Variants in FARS2 observed in about 807,000 individuals in gnomAD.
FARS2 encodes phenylalanine--tRNA ligase, mitochondrial.
FARS2 carries 40 observed loss-of-function variants against 46.4 expected under a neutral mutation model. That is an observed-to-expected ratio of 0.86 (90% CI 0.67 to 1.12). The LOEUF is 1.12. FARS2 is among the 50% of genes most tolerant of loss of function. FARS2 has a pLI of 0.00. For synonymous variants in FARS2, 234 were observed against 214.9 expected (o/e 1.09, Z -0.78); for missense variants, 513 against 567.9 (o/e 0.90, Z 0.98).
At position 5,394,473 on chromosome 6, in the gene FARS2, C is replaced by G. The variant is rs145380039; in HGVS notation, c.613-10069C>G. Among the ~76,000 whole-genome samples, 419 of 152,216 alleles carry G rather than the reference C, an allele frequency of 2.8e-3. 3 individuals carry two copies. The highest frequency in any genetic ancestry group is 9.8e-3 in the African/African-American group (406 of 41,516). On this transcript the variant is annotated intron_variant, in intron 2 of 6. Transcript: ENST00000274680. ...GCGTGACTACACTCCATGGTGTTCG[C>G]ACAATGACAAAATTGCGTAATGAAG...
chr6:5,624,827 G>A (rs184003220), intron 6 of FARS2, among the ~76,000 whole-genome samples: 451 of 135,544 alleles, frequency 3.3e-3, no homozygotes, highest in Non-Finnish European at 5.5e-3. Flanking sequence ...GGGCGGCCCC[G>A]CCCCCGCCCC....
At chr6:5,614,187 A>G (rs1775336966) in intron 6 of FARS2, among the ~76,000 whole-genome samples, 1 of 152,146 alleles carries the variant, frequency 6.6e-6, no homozygotes, top group Non-Finnish European at 1.5e-5. Context: ...GAGCAGAGAG[A>G]TAAGTGACGT....
intron 6 of FARS2, among the ~76,000 whole-genome samples, chr6:5,617,526 G>A (rs1383274618): frequency 1.3e-5 from 2 of 152,092 alleles, no homozygotes; most frequent in African/African-American, 4.8e-5. Flanking sequence ...ACAAAAACCT[G>A]GTTTTTTAGC....
chr6:5,656,027 A>G (rs1777590234), intron 6 of FARS2, among the ~76,000 whole-genome samples: 1 of 152,222 alleles, frequency 6.6e-6, no homozygotes, highest in Non-Finnish European at 1.5e-5. Flanking sequence ...TGAAAACTGG[A>G]CTTGAACTCC....
intron 1 of FARS2, among the ~76,000 whole-genome samples, chr6:5,348,978 A>G (rs374619535): frequency 3.9e-5 from 6 of 152,228 alleles, no homozygotes; most frequent in African/African-American, 7.2e-5. Flanking sequence ...AGCCACTGCA[A>G]TAAGGCAAGG....
intron 1 of FARS2, among the ~76,000 whole-genome samples, chr6:5,295,184 C>A (rs1418234269): frequency 6.6e-6 from 1 of 152,142 alleles, no homozygotes; most frequent in East Asian, 1.9e-4. Flanking sequence ...CGCTACACAC[C>A]AAGCTATGTG....
At chr6:5,313,027 G>A (rs556007333) in intron 1 of FARS2, among the ~76,000 whole-genome samples, 61 of 152,174 alleles carry the variant, frequency 4.0e-4, no homozygotes, top group Non-Finnish European at 7.5e-4. Flanking sequence ...GGGAGAGGGA[G>A]AAGGAGAGGG....
rs187793225 is a variant in FARS2, at chr6:5,769,364, C to T, written c.1218-1927C>T. ...TCTTGGCTATGTAGTTTCATAAGCTCCCACTCCTGGAGAGCCTCTGTTTTC... is the reference window on the plus strand; with the variant it reads ...TCTTGGCTATGTAGTTTCATAAGCTTCCACTCCTGGAGAGCCTCTGTTTTC... On this transcript the variant is annotated intron_variant, in intron 6 of 6. Coordinates refer to ENST00000274680, the MANE Select transcript of FARS2 (RefSeq NM_006567.5). Among the ~76,000 whole-genome samples the T allele has an allele frequency of 6.3e-3, 959 of 152,330 alleles. 12 individuals carry two copies. The highest frequency in any genetic ancestry group is 0.021 in the African/African-American group (862 of 41,568).
Position 5,431,105 on chromosome 6 carries a change from C to T in FARS2, c.837C>T (p.Ile279=), listed in dbSNP as rs766146229. Residue 279 remains isoleucine (I), a synonymous_variant, in exon 4 of 7, where the codon ATC becomes ATT. Coordinates refer to ENST00000274680, the MANE Select transcript of FARS2 (RefSeq NM_006567.5). ...CACATCCTTCCTTTGAGATGGAGATCAACTTTCATGGAGAATGGCTGGAAG... is the reference window on the plus strand; with the variant it reads ...CACATCCTTCCTTTGAGATGGAGATTAACTTTCATGGAGAATGGCTGGAAG... ...PFTHPSFEME[I]NFHGEWLEVL... The T allele has an allele frequency of 6.2e-6, 10 of 1,613,838 alleles. No homozygotes were observed. The Admixed American group carries it at 1.7e-4, about 27-fold the overall frequency.
chr6:5,559,939 GA>G (rs1000735797), intron 5 of FARS2, among the ~76,000 whole-genome samples: 7 of 151,554 alleles, frequency 4.6e-5, no homozygotes, highest in Non-Finnish European at 8.8e-5. Context: ...TGTCCACATG[GA>G]AAAAAAATGA....
chr6:5,427,160 G>C (rs185016903), intron 3 of FARS2, among the ~76,000 whole-genome samples: 1 of 152,176 alleles, frequency 6.6e-6, no homozygotes, highest in Non-Finnish European at 1.5e-5. Context: ...TACAATGTGT[G>C]ATGATCGAAT....
At chr6:5,648,902 C>T (rs1028024719) in intron 6 of FARS2, among the ~76,000 whole-genome samples, 29 of 152,176 alleles carry the variant, frequency 1.9e-4, no homozygotes, top group African/African-American at 6.0e-4. Context: ...CAGACAATGC[C>T]TGGCACTTAG....
chr6:5,516,114 G>C (rs574403810), intron 4 of FARS2, among the ~76,000 whole-genome samples: 157 of 152,288 alleles, frequency 1.0e-3, no homozygotes, highest in Non-Finnish European at 1.7e-3. Flanking sequence ...AAGCAGCCAG[G>C]GCCCTTCCAG....
At chr6:5,693,071 T>C (rs988262539) in intron 6 of FARS2, among the ~76,000 whole-genome samples, 24 of 152,356 alleles carry the variant, frequency 1.6e-4, no homozygotes, top group Middle Eastern at 3.4e-3. Flanking sequence ...GCAAAACAAA[T>C]ATTAACAATA....
rs1053166632 is a variant in FARS2 at position 5,764,987 on chromosome 6, G to A, written c.1218-6304G>A. ...GTTAGTTGTATCACTTAAGTTGATC[G>A]GGAAAAGAAAATAATCACTGGGGAG... On this transcript the variant is annotated intron_variant, in intron 6 of 6. Coordinates refer to ENST00000274680, the MANE Select transcript of FARS2 (RefSeq NM_006567.5). The surrounding 1 kb of genome is among the most constrained non-coding windows in gnomAD (Gnocchi z 4.1). Among the ~76,000 whole-genome samples the A allele has an allele frequency of 6.6e-6, 1 of 152,176 alleles. No individual in the cohort carries two copies.
intron 1 of FARS2, among the ~76,000 whole-genome samples, chr6:5,273,426 G>A (rs1474502857): frequency 6.6e-6 from 1 of 152,048 alleles, no homozygotes; most frequent in Non-Finnish European, 1.5e-5. Context: ...GTGATGTTGA[G>A]CATTTTTCAT....
At chr6:5,353,706 T>C (rs1319810276) in intron 1 of FARS2, among the ~76,000 whole-genome samples, 1 of 149,064 alleles carries the variant, frequency 6.7e-6, no homozygotes, top group Non-Finnish European at 1.5e-5. Flanking sequence ...TTTACCTGTT[T>C]TTAAATTGTA....
chr6:5,283,688 A>G (rs989982469), intron 1 of FARS2, among the ~76,000 whole-genome samples: 4 of 152,182 alleles, frequency 2.6e-5, no homozygotes, highest in South Asian at 2.1e-4. Flanking sequence ...CTACATTTAT[A>G]TCGCATTTCT....
intron 6 of FARS2, among the ~76,000 whole-genome samples, chr6:5,635,066 G>A (rs1225254183): frequency 1.3e-5 from 2 of 152,170 alleles, no homozygotes; most frequent in African/African-American, 2.4e-5. Flanking sequence ...GGAACCATTC[G>A]AGCAAGTTAC....
Sources: gnomAD v4.1 joint callset for allele counts (sites outside exome capture counted in the v4.1 genomes callset) on GRCh38, gnomAD v4.1.1 for gene constraint, Gnocchi (gnomAD v3.1) non-coding constraint, MANE v1.5 for transcripts, NCBI Gene and HGNC (gene_info 2026-07-23, HGNC 2026-07-21) for gene names.